RGS6: variants seen among roughly 807,000 people sequenced by gnomAD.
RGS6 encodes regulator of G-protein signaling 6.
Under a neutral mutation model 78.5 loss-of-function variants are expected in RGS6, and 30 were observed. The ratio of observed to expected loss-of-function variants is 0.38; its 90% CI spans 0.29 to 0.52. The LOEUF is 0.52. Ranked by LOEUF, RGS6 falls within the 20% of genes least tolerant of loss-of-function variation. RGS6 has a pLI of 0.85. For synonymous variants in RGS6, 206 were observed against 206.0 expected (o/e 1.00, Z 0.00); for missense variants, 495 against 609.7 (o/e 0.81, Z 1.98).
At chr14:72,192,138 G>T (rs1043164964) in intron 2 of RGS6, among the ~76,000 whole-genome samples, 1 of 152,160 alleles carries the variant, frequency 6.6e-6, no homozygotes, top group Non-Finnish European at 1.5e-5. Context: ...AGTCATCACT[G>T]AACAGTTAAT....
chr14:72,326,117 G>GTCATA (rs2073691510), intron 2 of RGS6, among the ~76,000 whole-genome samples: 1 of 152,140 alleles, frequency 6.6e-6, no homozygotes, highest in Admixed American at 6.5e-5. Flanking sequence ...AATATGCTTT[G>GTCATA]TCATATTGTT....
chr14:71,973,626 A>G (rs1011097018), intron 2 of RGS6, among the ~76,000 whole-genome samples: 3 of 152,356 alleles, frequency 2.0e-5, no homozygotes, highest in East Asian at 1.9e-4. Flanking sequence ...CAGAAGCTAC[A>G]GTGAGCAGAG....
At chr14:72,081,071 A>T (rs2094802017) in intron 2 of RGS6, among the ~76,000 whole-genome samples, 1 of 152,004 alleles carries the variant, frequency 6.6e-6, no homozygotes, top group South Asian at 2.1e-4. Context: ...TGGAATTTTG[A>T]TAAAGACTTT....
chr14:72,573,164 G>T, the RGS6 span, among the ~76,000 whole-genome samples: 1 of 152,172 alleles, frequency 6.6e-6, no homozygotes, highest in Non-Finnish European at 1.5e-5. Context: ...TAAAGCCCTT[G>T]AGCCCTTCCT....
intron 3 of RGS6, among the ~76,000 whole-genome samples, chr14:72,408,416 T>C (rs2093128097): frequency 1.3e-5 from 2 of 152,198 alleles, no homozygotes. Context: ...TGTCATGAGA[T>C]TTCAGTGCCT....
chr14:72,160,447 T>C (rs1349476301), intron 2 of RGS6, among the ~76,000 whole-genome samples: 1 of 152,196 alleles, frequency 6.6e-6, no homozygotes, highest in East Asian at 1.9e-4. Context: ...TGATATTAAG[T>C]GGAGAAAAAC....
chr14:71,956,127 A>G (rs1460040393), intron 1 of RGS6, among the ~76,000 whole-genome samples: 1 of 152,172 alleles, frequency 6.6e-6, no homozygotes, highest in Non-Finnish European at 1.5e-5. Flanking sequence ...AGTGTTGACT[A>G]TTCATTTAAT....
chr14:72,386,650 G>T (rs2088165467), intron 3 of RGS6, among the ~76,000 whole-genome samples: 1 of 152,170 alleles, frequency 6.6e-6, no homozygotes, highest in African/African-American at 2.4e-5. Flanking sequence ...TCAGATGCAG[G>T]CTGTGTTGAT....
intron 7 of RGS6, among the ~76,000 whole-genome samples, chr14:72,468,207 G>A (rs558341812): frequency 5.0e-4 from 76 of 152,068 alleles, no homozygotes; most frequent in East Asian, 1.2e-3. Context: ...GCTGAAACCC[G>A]TCTCTACTAA....
At chr14:72,230,288 G>T (rs2049224244) in intron 2 of RGS6, among the ~76,000 whole-genome samples, 1 of 152,202 alleles carries the variant, frequency 6.6e-6, no homozygotes, top group Admixed American at 6.5e-5. Context: ...GACAGAAGAA[G>T]GCAAGGATGG....
At chr14:71,949,073 AGGGACATTT>A (rs1416271397) in intron 1 of RGS6, among the ~76,000 whole-genome samples, 1 of 151,648 alleles carries the variant, frequency 6.6e-6, no homozygotes, top group East Asian at 1.9e-4. Flanking sequence ...TCTACTGTTG[AGGGACATTT>A]GGGATATTTC....
chr14:72,217,778 C>T (rs973163589), intron 2 of RGS6, among the ~76,000 whole-genome samples: 1 of 152,048 alleles, frequency 6.6e-6, no homozygotes, highest in Non-Finnish European at 1.5e-5. Flanking sequence ...TTTTGCTTCT[C>T]TTGTTTGTTT....
intron 1 of RGS6, among the ~76,000 whole-genome samples, chr14:71,935,662 G>A (rs956247534): frequency 6.6e-6 from 1 of 152,142 alleles, no homozygotes; most frequent in South Asian, 2.1e-4. Flanking sequence ...AAGTAGAAAG[G>A]TCATTGGCCA....
At chr14:72,390,655 T>G (rs2089724873) in intron 3 of RGS6, among the ~76,000 whole-genome samples, 1 of 152,176 alleles carries the variant, frequency 6.6e-6, no homozygotes, top group African/African-American at 2.4e-5. Flanking sequence ...GTAAAATGTT[T>G]AGAGGGGAAA....
intron 2 of RGS6, among the ~76,000 whole-genome samples, chr14:72,108,234 G>A (rs1314208200): frequency 2.0e-5 from 3 of 151,998 alleles, no homozygotes; most frequent in African/African-American, 7.2e-5. Flanking sequence ...CTTTCATTGA[G>A]TACCCTAGAT....
the RGS6 span, among the ~76,000 whole-genome samples, chr14:71,906,896 T>A: frequency 6.8e-6 from 1 of 146,190 alleles, no homozygotes; most frequent in South Asian, 2.2e-4. Context: ...CCAAAATGAC[T>A]AAGGCAAGAA....
chr14:71,878,397 A>T, the RGS6 span, among the ~76,000 whole-genome samples: 5 of 152,096 alleles, frequency 3.3e-5, 1 homozygote, highest in Non-Finnish European at 1.5e-5. Context: ...CCCCTCCCCT[A>T]GCCTTGCTGC....
At chr14:72,418,642 T>C (rs2093983372) in intron 3 of RGS6, among the ~76,000 whole-genome samples, 1 of 152,214 alleles carries the variant, frequency 6.6e-6, no homozygotes. Flanking sequence ...AGCTCTAACC[T>C]AGAGAGAGAA....
intron 2 of RGS6, among the ~76,000 whole-genome samples, chr14:72,102,374 C>G (rs997299798): frequency 6.6e-6 from 1 of 151,916 alleles, no homozygotes; most frequent in East Asian, 1.9e-4. Flanking sequence ...AGATTAAAAA[C>G]CTTAGAAGAA....
Sources: gnomAD v4.1 joint callset for allele counts (sites outside exome capture counted in the v4.1 genomes callset) on GRCh38, gnomAD v4.1.1 for gene constraint, MANE v1.5 for transcripts, NCBI Gene and HGNC (gene_info 2026-07-23, HGNC 2026-07-21) for gene names.